Variants in CEP85 observed in about 807,000 individuals in gnomAD.
CEP85 encodes the protein centrosomal protein 85.
In CEP85, 58 loss-of-function variants were observed where a neutral mutation model predicts 93.7. That is an observed-to-expected ratio of 0.62 (90% confidence interval 0.50 to 0.77). The LOEUF is 0.77. Among genes scored for constraint, CEP85 ranks in the 30% least tolerant of loss-of-function variants. The probability of loss-of-function intolerance (pLI) is 0.00; values close to 1 mark genes in which losing one functional copy is unlikely to be tolerated. For missense variants in CEP85, 868 were observed against 922.0 expected (o/e 0.94, Z 0.76); for synonymous variants, 314 against 338.6 (o/e 0.93, Z 0.80).
At chr1:26,255,072 C>G (rs2089674395) in intron 3 of CEP85, 99 bp from the exon 4 acceptor site, 1 of 929,176 alleles carries the variant, frequency 1.1e-6, no homozygotes, top group East Asian at 2.4e-5. Context: ...GCTCTCTCTG[C>G]TTGGTCTCAG....
intron 12 of CEP85, 124 bp downstream of exon 12, chr1:26,275,195 T>G (rs946124228): frequency 2.0e-4 from 133 of 661,978 alleles, no homozygotes; most frequent in Middle Eastern, 3.7e-4. Context: ...TACTGAGCTC[T>G]GGGGGCAGAG....
At chr1:26,258,092 T>C (rs1329411199) in intron 5 of CEP85, 51 bp from the exon 6 acceptor site, 12 of 1,243,700 alleles carry the variant, frequency 9.6e-6, no homozygotes, top group Non-Finnish European at 1.2e-5. Context: ...GGGGCTCATA[T>C]TGTGAGGGGT....
chr1:26,269,893 T>G (rs2124606914), intron 9 of CEP85, among the ~76,000 whole-genome samples: 1 of 143,476 alleles, frequency 7.0e-6, no homozygotes, highest in Non-Finnish European at 1.5e-5. Flanking sequence ...TTCACACCAT[T>G]CTCCTGCCTC....
intron 13 of CEP85, 61 bp from the exon 14 acceptor site, chr1:26,277,075 A>T (rs2090064053): frequency 4.6e-6 from 7 of 1,535,568 alleles, no homozygotes; most frequent in African/African-American, 1.4e-5. Flanking sequence ...TCCATACTGC[A>T]CCCTCCACAT....
chr1:26,238,140 A>T (rs1379828839), intron 1 of CEP85, among the ~76,000 whole-genome samples: 5 of 149,694 alleles, frequency 3.3e-5, no homozygotes. Context: ...TTAGAGAAAT[A>T]GTACCATATA....
intron 2 of CEP85, among the ~76,000 whole-genome samples, chr1:26,242,883 G>C (rs1358902818): frequency 1.3e-5 from 2 of 152,124 alleles, no homozygotes; most frequent in Non-Finnish European, 2.9e-5. Context: ...TTAAGTCTTT[G>C]CTAGAATGTT....
intron 11 of CEP85, chr1:26,272,308 G>T (rs1161343692): frequency 9.7e-6 from 5 of 513,598 alleles, no homozygotes; most frequent in Non-Finnish European, 1.7e-5. Context: ...AGGAGAGTCA[G>T]TGGGAGGAAG....
chr1:26,251,251 G>GTTTT (rs34370061), intron 3 of CEP85, among the ~76,000 whole-genome samples: 3 of 113,664 alleles, frequency 2.6e-5, no homozygotes, highest in Non-Finnish European at 5.2e-5. Flanking sequence ...CCCAAGCTTG[G>GTTTT]TTTTTTTTTT....
chr1:26,235,135 C>T (rs1420678929), intron 1 of CEP85, among the ~76,000 whole-genome samples: 1 of 152,228 alleles, frequency 6.6e-6, no homozygotes, highest in Non-Finnish European at 1.5e-5. Context: ...GCTTACTTCA[C>T]CTCAGTTAAT....
chr1:26,251,830 A>T (rs959296162), intron 3 of CEP85, among the ~76,000 whole-genome samples: 1 of 152,024 alleles, frequency 6.6e-6, no homozygotes, highest in Non-Finnish European at 1.5e-5. Flanking sequence ...CATGGTAGCA[A>T]CCCCTCATGT....
At chr1:26,272,849 G>A (rs1259164997) in intron 11 of CEP85, among the ~76,000 whole-genome samples, 8 of 151,934 alleles carry the variant, frequency 5.3e-5, no homozygotes, top group African/African-American at 7.3e-5. Flanking sequence ...GACTGGTCTC[G>A]AACTCCTGAC....
chr1:26,247,416 G>A (rs2089527629), intron 3 of CEP85, among the ~76,000 whole-genome samples: 1 of 151,488 alleles, frequency 6.6e-6, no homozygotes. Flanking sequence ...TATGAGCTGA[G>A]AGGAGTAAAT....
rs2089473815 is a variant in CEP85 at position 26,244,209 on chromosome 1, G to A, written c.99G>A (p.Trp33Ter). 6.2e-7 allele frequency: 1 copy of A among 1,613,314 alleles called. No homozygotes were observed. ...AGGGCAGTTCCCTGGGGACTGAATG[G>A]CAGACCCCAGTTATCTCGGAGCCCT... ...IQKGSSLGTE[W>*]QTPVISEPFR... Residue 33 changes from tryptophan to a stop codon, truncating the protein, a stop_gained, in exon 3 of 14, where the codon TGG becomes TGA. Transcript: ENST00000451429. LOFTEE classifies it high-confidence loss of function.
At position 26,270,996 on chromosome 1, in the gene CEP85, G is replaced by C; in HGVS notation, c.1650-18G>C. The stretch of plus-strand genomic sequence containing the variant: ...TGTGTCTAACTTCAGAGTTCTTGAA[G>C]AGGCCACTGTCTTTCAGCCTGCAAG... On this transcript the variant is annotated intron_variant, in intron 9 of 13. Coordinates refer to ENST00000451429, the MANE Select transcript of CEP85 (RefSeq NM_001319944.2). The C allele has an allele frequency of 2.6e-6, 4 of 1,528,814 alleles. No individual in the cohort carries two copies. Among genetic ancestry groups the C allele is most frequent in the Non-Finnish European group, 3.6e-6 (4 of 1,104,324 alleles). 94.7% of individuals were successfully genotyped at this position (1,528,814 alleles called of 1,614,324 possible).
chr1:26,244,587 C>G (rs552247702), intron 3 of CEP85, among the ~76,000 whole-genome samples: 1 of 152,106 alleles, frequency 6.6e-6, no homozygotes, highest in Non-Finnish European at 1.5e-5. Context: ...AGTGCACTGG[C>G]ATGATCATAG....
intron 3 of CEP85, among the ~76,000 whole-genome samples, chr1:26,254,427 TAAAAA>T (rs78505562): frequency 2.0e-4 from 29 of 143,632 alleles, no homozygotes; most frequent in Admixed American, 6.3e-4. Context: ...AAGGAAAAGT[TAAAAA>T]AAAAAAAACA....
chr1:26,255,552 T>C lies in CEP85; in HGVS notation c.590T>C (p.Leu197Pro). Residue 197 changes from leucine to proline, a missense_variant, in exon 4 of 14, where the codon CTT (leucine) becomes CCT (proline). Physicochemically the swap from Leu to Pro is moderately conservative, Grantham distance 98. Coordinates refer to ENST00000451429, the MANE Select transcript of CEP85 (RefSeq NM_001319944.2). ...AATCAGTCGGCAATGATGGAGACACTTTATTCAGATCCTCACCACCGAGTC... is the reference window on the plus strand; with the variant it reads ...AATCAGTCGGCAATGATGGAGACACCTTATTCAGATCCTCACCACCGAGTC... The part of the protein sequence containing the change: ...TLNQSAMMET[L>P]YSDPHHRVRF... 6.2e-7 allele frequency: 1 copy of C among 1,614,162 alleles called. No homozygotes were observed. The highest frequency in any genetic ancestry group is 2.2e-5 in the East Asian group (1 of 44,886).
intron 3 of CEP85, among the ~76,000 whole-genome samples, chr1:26,249,017 C>T (rs543091382): frequency 1.0e-3 from 153 of 152,274 alleles, no homozygotes; most frequent in African/African-American, 3.5e-3. Context: ...TGAGCCACCA[C>T]GCCCAGGCCT....
At chr1:26,234,681 G>A (rs2089296779) in intron 1 of CEP85, among the ~76,000 whole-genome samples, 1 of 152,232 alleles carries the variant, frequency 6.6e-6, no homozygotes, top group Non-Finnish European at 1.5e-5. Context: ...GGGTAGAGTG[G>A]AGAAATCTTA....
Sources: allele counts gnomAD v4.1 joint callset (sites outside exome capture counted in the v4.1 genomes callset), GRCh38; gene constraint gnomAD v4.1.1; transcripts MANE v1.5; gene names NCBI Gene and HGNC (gene_info 2026-07-23, HGNC 2026-07-21).